Variants in BCAS3 observed in about 807,000 individuals in gnomAD.
BCAS3 encodes BCAS4/BCAS3 fusion.
BCAS3 carries 53 observed loss-of-function variants against 116.1 expected under a neutral mutation model. The observed-to-expected ratio is 0.46, with a 90% CI of 0.37 to 0.57. The LOEUF (loss-of-function observed/expected upper bound fraction) is 0.57, where lower values mean the gene tolerates loss of function less well. Among genes scored for constraint, BCAS3 ranks in the 20% least tolerant of loss-of-function variants. BCAS3 has a pLI of 0.00. For missense variants in BCAS3, 917 were observed against 1,165.4 expected, an observed-to-expected ratio of 0.79 and a Z score of 3.10; for synonymous variants, 391 against 408.2, an observed-to-expected ratio of 0.96 and a Z score of 0.51.
At chr17:61,099,592 GC>G (rs2074196830) in intron 22 of BCAS3, among the ~76,000 whole-genome samples, 1 of 152,084 alleles carries the variant, frequency 6.6e-6, no homozygotes, top group Non-Finnish European at 1.5e-5. Context: ...TTTATGTTAT[GC>G]TTTTAAAGCA....
intron 7 of BCAS3, among the ~76,000 whole-genome samples, chr17:60,839,895 G>A (rs183239882): frequency 1.6e-4 from 25 of 151,986 alleles, no homozygotes; most frequent in Admixed American, 5.2e-4. Flanking sequence ...ACTTTGTTCC[G>A]CTTTTCCTAA....
At chr17:61,225,018 C>G (rs1023910427) in intron 22 of BCAS3, among the ~76,000 whole-genome samples, 2 of 152,194 alleles carry the variant, frequency 1.3e-5, no homozygotes, top group African/African-American at 2.4e-5. Flanking sequence ...CTACCACTTA[C>G]AGATGTTGCT....
At chr17:60,911,203 A>G (rs1361447582) in intron 12 of BCAS3, among the ~76,000 whole-genome samples, 1 of 134,144 alleles carries the variant, frequency 7.5e-6, no homozygotes, top group African/African-American at 2.8e-5. Context: ...GCTCACTGCA[A>G]TCTCTGCCTC....
intron 22 of BCAS3, among the ~76,000 whole-genome samples, chr17:61,094,553 A>G (rs929356723): frequency 6.6e-6 from 1 of 152,224 alleles, no homozygotes; most frequent in Non-Finnish European, 1.5e-5. Context: ...CCCAATATTT[A>G]AAGACATTTC....
chr17:60,856,543 T>G (rs1353727814), intron 7 of BCAS3, among the ~76,000 whole-genome samples: 1 of 151,966 alleles, frequency 6.6e-6, no homozygotes, highest in Admixed American at 6.6e-5. Flanking sequence ...ACAAAAAAAT[T>G]AGCCAGGTGT....
At chr17:61,159,765 A>G (rs913776027) in intron 22 of BCAS3, among the ~76,000 whole-genome samples, 4 of 152,190 alleles carry the variant, frequency 2.6e-5, no homozygotes, top group African/African-American at 9.7e-5. Context: ...TCTACCTGTA[A>G]TGTAACATTC....
Position 61,387,241 on chromosome 17 carries a change from G to A in BCAS3, c.2594-4736G>A, listed in dbSNP as rs1162062895. Among the ~76,000 whole-genome samples, 2 of 152,236 alleles carry A rather than the reference G, an allele frequency of 1.3e-5. No homozygotes were observed. The highest frequency in any genetic ancestry group is 2.1e-4 in the South Asian group (1 of 4,836). ...ACAACACTGCACTGTGGGTGGAGGT[G>A]CATGGGCCCATGCTGCACGGCCCAG... On this transcript the variant is annotated intron_variant, in intron 23 of 23. Transcript: ENST00000407086. The surrounding 1 kb of genome is among the most constrained non-coding windows in gnomAD (Gnocchi z 6.2).
chr17:60,811,776 A>G (rs2048849201), intron 7 of BCAS3, among the ~76,000 whole-genome samples: 1 of 152,238 alleles, frequency 6.6e-6, no homozygotes, highest in Admixed American at 6.5e-5. Context: ...GCCTGGATGC[A>G]GTGGCTCATG....
intron 22 of BCAS3, among the ~76,000 whole-genome samples, chr17:61,135,069 C>G (rs1253297754): frequency 1.3e-5 from 2 of 152,186 alleles, no homozygotes; most frequent in African/African-American, 4.8e-5. Context: ...GGAACTGAGA[C>G]AGTGAGGTCA....
intron 20 of BCAS3, among the ~76,000 whole-genome samples, chr17:61,076,451 G>A (rs2071997960): frequency 6.6e-6 from 1 of 152,198 alleles, no homozygotes; most frequent in African/African-American, 2.4e-5. Context: ...GAAGGAAGTT[G>A]ATTCTTCAGT....
At chr17:61,238,950 A>G (rs1444004574) in intron 22 of BCAS3, among the ~76,000 whole-genome samples, 1 of 152,142 alleles carries the variant, frequency 6.6e-6, no homozygotes, top group Non-Finnish European at 1.5e-5. Flanking sequence ...AAAAATCGAA[A>G]TGGATATTGC....
chr17:60,822,422 A>G (rs2050043164), intron 7 of BCAS3, among the ~76,000 whole-genome samples: 2 of 152,050 alleles, frequency 1.3e-5, no homozygotes, highest in African/African-American at 2.4e-5. Flanking sequence ...GAGTTTGTGA[A>G]TTTCTCGTTT....
At chr17:61,052,540 A>C (rs892053130) in intron 19 of BCAS3, among the ~76,000 whole-genome samples, 12 of 152,138 alleles carry the variant, frequency 7.9e-5, no homozygotes, top group African/African-American at 2.7e-4. Context: ...GGTGTCATGG[A>C]AGTCATAAAA....
At chr17:61,238,044 G>A (rs1450829536) in intron 22 of BCAS3, among the ~76,000 whole-genome samples, 1 of 152,048 alleles carries the variant, frequency 6.6e-6, no homozygotes, top group African/African-American at 2.4e-5. Flanking sequence ...GTATGAACAA[G>A]AGTTTTGTTT....
chr17:60,769,779 T>C (rs2044477313), intron 6 of BCAS3, among the ~76,000 whole-genome samples: 1 of 152,090 alleles, frequency 6.6e-6, no homozygotes. Flanking sequence ...TTTTAATTTT[T>C]TTTTTATTTT....
At chr17:60,721,287 G>A (rs1052767731) in intron 5 of BCAS3, among the ~76,000 whole-genome samples, 1 of 152,130 alleles carries the variant, frequency 6.6e-6, no homozygotes, top group African/African-American at 2.4e-5. Context: ...TTTGTTTGGT[G>A]CATTCTCTTC....
chr17:60,786,547 GTA>G (rs72319489), intron 6 of BCAS3, among the ~76,000 whole-genome samples: 6,768 of 140,358 alleles, frequency 0.048, 549 homozygotes, highest in African/African-American at 0.16. Flanking sequence ...CTGCAAATGT[GTA>G]TATATATATA....
chr17:61,100,682 A>G (rs1020804135), intron 22 of BCAS3, among the ~76,000 whole-genome samples: 1 of 152,182 alleles, frequency 6.6e-6, no homozygotes, highest in African/African-American at 2.4e-5. Flanking sequence ...ATATTTCATC[A>G]TGGAACATTG....
rs1339650271 is a variant in BCAS3, at chr17:61,015,916, T to C, written c.1637+15T>C. The C allele has an allele frequency of 6.2e-7, 1 of 1,605,774 alleles. No homozygotes were observed. Among genetic ancestry groups the C allele is most frequent in the Admixed American group, 1.7e-5 (1 of 59,056 alleles). ...AAACGAACCGGGTAAGGCCTTAGAC[T>C]TGATGCTTTTTTAACAGCTGTTTTA... On this transcript the variant is annotated intron_variant, in intron 16 of 23. Coordinates refer to ENST00000407086, the MANE Select transcript of BCAS3 (RefSeq NM_017679.5).
Sources: gnomAD v4.1 joint callset for allele counts (sites outside exome capture counted in the v4.1 genomes callset) on GRCh38, gnomAD v4.1.1 for gene constraint, Gnocchi (gnomAD v3.1) non-coding constraint, MANE v1.5 for transcripts, NCBI Gene and HGNC (gene_info 2026-07-23, HGNC 2026-07-21) for gene names.